SDK1: variants seen among roughly 807,000 people sequenced by gnomAD.
SDK1 encodes sidekick cell adhesion molecule 1, also known as protein sidekick-1.
In SDK1, 157 loss-of-function variants were observed where a neutral mutation model predicts 245.5. That is an observed-to-expected ratio of 0.64 (90% CI 0.56 to 0.73). SDK1 has a LOEUF of 0.73. Among genes scored for constraint, SDK1 ranks in the 30% least tolerant of loss-of-function variants. The pLI is 0.00. For missense variants in SDK1, 3,583 were observed against 3,002.3 expected (o/e 1.19, Z -4.52); for synonymous variants, 1,647 against 1,278.5 (o/e 1.29, Z -6.15).
chr7:4,187,965 G>A (rs1040702061), intron 35 of SDK1, among the ~76,000 whole-genome samples: 1 of 145,356 alleles, frequency 6.9e-6, no homozygotes, highest in Non-Finnish European at 1.5e-5. Context: ...GAAGGTGAAA[G>A]GCACGTCTTA....
intron 4 of SDK1, among the ~76,000 whole-genome samples, chr7:3,719,879 A>C (rs1295112012): frequency 3.9e-5 from 6 of 151,902 alleles, no homozygotes; most frequent in Non-Finnish European, 8.8e-5. Context: ...CAGGAGACTG[A>C]GGCAAGAGAA....
intron 1 of SDK1, among the ~76,000 whole-genome samples, chr7:3,432,124 A>T (rs5881986): frequency 0.22 from 31,555 of 146,736 alleles, 4,381 homozygotes; most frequent in African/African-American, 0.38. Flanking sequence ...AAAAAAAAAA[A>T]ATATATATAT....
intron 29 of SDK1, among the ~76,000 whole-genome samples, chr7:4,146,670 G>A (rs918618646): frequency 2.6e-5 from 4 of 152,342 alleles, no homozygotes; most frequent in Middle Eastern, 3.4e-3. Context: ...TTAAACCCAC[G>A]TCCTCCGTAG....
At chr7:3,655,651 G>A (rs974540600) in intron 4 of SDK1, among the ~76,000 whole-genome samples, 2 of 151,458 alleles carry the variant, frequency 1.3e-5, no homozygotes, top group Admixed American at 6.6e-5. Flanking sequence ...TGAAGGCCCA[G>A]CAACTTAAAA....
At chr7:4,204,031 G>T (rs151171758) in intron 35 of SDK1, among the ~76,000 whole-genome samples, 86 of 152,332 alleles carry the variant, frequency 5.6e-4, no homozygotes, top group African/African-American at 2.0e-3. Context: ...TCCTACAGGC[G>T]GATATCCAAG....
chr7:3,365,278 C>G (rs540782590), intron 1 of SDK1, among the ~76,000 whole-genome samples: 1 of 152,150 alleles, frequency 6.6e-6, no homozygotes, highest in African/African-American at 2.4e-5. Context: ...TTGAGTGAGT[C>G]ACTTTTCATC....
rs543208718 is a variant in SDK1, at chr7:3,961,882, T to G, written c.1235-775T>G. 1.5e-3 allele frequency among the ~76,000 whole-genome samples: 225 copies of G among 152,092 alleles called. 1 individual carries two copies. Among genetic ancestry groups the G allele is most frequent in the African/African-American group, 5.3e-3 (220 of 41,472 alleles). On this transcript the variant is annotated intron_variant, in intron 8 of 44. Coordinates refer to ENST00000404826, the MANE Select transcript of SDK1 (RefSeq NM_152744.4). ...TCACACAGACACACATAGAAACACA[T>G]GTACACATATATGCAGGTGCACATA...
At chr7:3,891,359 C>T (rs1003904128) in intron 5 of SDK1, among the ~76,000 whole-genome samples, 1 of 152,180 alleles carries the variant, frequency 6.6e-6, no homozygotes, top group African/African-American at 2.4e-5. Flanking sequence ...ATGGCTACCT[C>T]TGAGGAAGGT....
At chr7:3,891,730 G>T (rs1781464914) in intron 5 of SDK1, among the ~76,000 whole-genome samples, 1 of 152,138 alleles carries the variant, frequency 6.6e-6, no homozygotes, top group Non-Finnish European at 1.5e-5. Context: ...TCCAACTAAA[G>T]GTTTCGGCGC....
intron 5 of SDK1, among the ~76,000 whole-genome samples, chr7:3,845,021 A>T (rs990649463): frequency 2.6e-5 from 4 of 152,206 alleles, no homozygotes; most frequent in Admixed American, 6.5e-5. Flanking sequence ...TGAAAAATCT[A>T]CGCTTAACTA....
intron 4 of SDK1, among the ~76,000 whole-genome samples, chr7:3,685,717 A>G (rs1784261981): frequency 6.6e-6 from 1 of 152,222 alleles, no homozygotes; most frequent in South Asian, 2.1e-4. Flanking sequence ...ACTTCAAAGT[A>G]TCATATATGT....
intron 1 of SDK1, among the ~76,000 whole-genome samples, chr7:3,578,795 C>G (rs1387594057): frequency 6.6e-6 from 1 of 151,780 alleles, no homozygotes; most frequent in Non-Finnish European, 1.5e-5. Flanking sequence ...TTCCCTTGTT[C>G]CCTAAAATCG....
At chr7:3,418,145 G>GCAAAAAAAAAAAAAAAAAAAAAAA (rs1292199670) in intron 1 of SDK1, among the ~76,000 whole-genome samples, 7 of 119,724 alleles carry the variant, frequency 5.8e-5, no homozygotes, top group African/African-American at 2.3e-4. Flanking sequence ...TACTAAAAAT[G>GCAAAAAAAAAAAAAAAAAAAAAAA]AAAAAAAAAA....
chr7:3,747,093 G>C (rs112772460), intron 4 of SDK1, among the ~76,000 whole-genome samples: 26 of 152,280 alleles, frequency 1.7e-4, no homozygotes, highest in African/African-American at 6.3e-4. Flanking sequence ...ATCTCCATGA[G>C]AACTCTTGGG....
At chr7:4,050,554 G>A (rs1286099887) in intron 18 of SDK1, among the ~76,000 whole-genome samples, 1 of 152,146 alleles carries the variant, frequency 6.6e-6, no homozygotes, top group Non-Finnish European at 1.5e-5. Flanking sequence ...AGAAATGTTT[G>A]GTGCCAAAGG....
intron 1 of SDK1, among the ~76,000 whole-genome samples, chr7:3,348,489 A>G (rs940122664): frequency 1.1e-5 from 1 of 87,520 alleles, no homozygotes; most frequent in African/African-American, 3.4e-5. Context: ...GTAAGGGAGA[A>G]CTAAACATCG....
At chr7:3,970,488 T>A (rs889999480) in intron 11 of SDK1, among the ~76,000 whole-genome samples, 4 of 152,364 alleles carry the variant, frequency 2.6e-5, no homozygotes, top group South Asian at 2.1e-4. Flanking sequence ...ACCATACATT[T>A]AACCCATTTA....
intron 38 of SDK1, among the ~76,000 whole-genome samples, chr7:4,215,291 G>A (rs892251244): frequency 6.6e-6 from 1 of 152,250 alleles, no homozygotes; most frequent in Non-Finnish European, 1.5e-5. Flanking sequence ...TGAAGGTGGA[G>A]GTGGCAGAGG....
chr7:3,764,172 A>G (rs1006501060), intron 4 of SDK1, among the ~76,000 whole-genome samples: 3 of 152,068 alleles, frequency 2.0e-5, no homozygotes, highest in Non-Finnish European at 2.9e-5. Context: ...TCTGTTGTGA[A>G]TGGGGATTTT....
Sources: gnomAD v4.1 joint callset for allele counts (sites outside exome capture counted in the v4.1 genomes callset) on GRCh38, gnomAD v4.1.1 for gene constraint, MANE v1.5 for transcripts, NCBI Gene and HGNC (gene_info 2026-07-23, HGNC 2026-07-21) for gene names.